Variants in SERPINI1 observed in about 807,000 individuals in gnomAD.
The protein encoded by SERPINI1 is serpin family I member 1.
In SERPINI1, 19 loss-of-function variants were observed where a neutral mutation model predicts 41.1. That is an observed-to-expected ratio of 0.46 (90% CI 0.32 to 0.68). The LOEUF (loss-of-function observed/expected upper bound fraction) is 0.68, where lower values mean the gene tolerates loss of function less well. Among genes scored for constraint, SERPINI1 ranks in the 30% least tolerant of loss-of-function variants. The pLI is 0.03. For missense variants in SERPINI1, 460 were observed against 479.2 expected, an observed-to-expected ratio of 0.96 and a Z score of 0.37; for synonymous variants, 138 against 156.6, an observed-to-expected ratio of 0.88 and a Z score of 0.89.
intron 1 of SERPINI1, among the ~76,000 whole-genome samples, chr3:167,741,754 C>T (rs1013183057): frequency 6.6e-6 from 1 of 152,166 alleles, no homozygotes; most frequent in Non-Finnish European, 1.5e-5. Context: ...GAAACCTGTA[C>T]CTAGTCTCCT....
chr3:167,772,708 T>C (rs1162337474), intron 1 of SERPINI1, among the ~76,000 whole-genome samples: 3 of 151,248 alleles, frequency 2.0e-5, no homozygotes, highest in African/African-American at 7.3e-5. Flanking sequence ...GTCATTAAAA[T>C]ATTCTCTGAA....
chr3:167,818,247 C>T (rs1042031124), intron 6 of SERPINI1, among the ~76,000 whole-genome samples: 1 of 151,776 alleles, frequency 6.6e-6, no homozygotes, highest in South Asian at 2.1e-4. Context: ...ACCCTGGTCT[C>T]GAACTCCTGA....
At chr3:167,749,783 C>A (rs1231102323) in intron 1 of SERPINI1, among the ~76,000 whole-genome samples, 1 of 152,144 alleles carries the variant, frequency 6.6e-6, no homozygotes, top group Non-Finnish European at 1.5e-5. Flanking sequence ...CTATTGAATG[C>A]TGTTTATATG....
chr3:167,764,460 A>G (rs562403165), intron 1 of SERPINI1, among the ~76,000 whole-genome samples: 3 of 152,230 alleles, frequency 2.0e-5, no homozygotes, highest in East Asian at 1.9e-4. Flanking sequence ...CTCATGACAC[A>G]TGTTCACTAT....
chr3:167,802,646 T>A, intron 5 of SERPINI1, among the ~76,000 whole-genome samples: 2 of 145,590 alleles, frequency 1.4e-5, no homozygotes, highest in African/African-American at 2.5e-5. Context: ...GGAGAGGATG[T>A]GGAGAAATAG....
chr3:167,799,089 A>G (rs1352647520), intron 5 of SERPINI1, among the ~76,000 whole-genome samples: 1 of 152,124 alleles, frequency 6.6e-6, no homozygotes, highest in Non-Finnish European at 1.5e-5. Flanking sequence ...CATGTGCAGA[A>G]CATGCAGGTT....
intron 1 of SERPINI1, among the ~76,000 whole-genome samples, chr3:167,764,400 AG>A (rs1726491183): frequency 2.7e-5 from 4 of 150,732 alleles, no homozygotes. Context: ...GGCAGCAGGC[AG>A]AGAGAGAGAG....
At chr3:167,737,837 G>A (rs1274721425) in intron 1 of SERPINI1, among the ~76,000 whole-genome samples, 1 of 152,004 alleles carries the variant, frequency 6.6e-6, no homozygotes, top group Non-Finnish European at 1.5e-5. Flanking sequence ...ACACGGTAAA[G>A]GATAGAATCT....
At chr3:167,746,045 T>A (rs551672682) in intron 1 of SERPINI1, among the ~76,000 whole-genome samples, 1 of 152,240 alleles carries the variant, frequency 6.6e-6, no homozygotes, top group East Asian at 1.9e-4. Context: ...TTGCAGCAAT[T>A]GACAAGTTGA....
intron 1 of SERPINI1, among the ~76,000 whole-genome samples, chr3:167,788,756 C>A (rs377120085): frequency 6.6e-6 from 1 of 152,174 alleles, no homozygotes; most frequent in Non-Finnish European, 1.5e-5. Flanking sequence ...CTGTAAATAT[C>A]TTTTGGTTTT....
intron 5 of SERPINI1, among the ~76,000 whole-genome samples, chr3:167,804,807 C>A (rs1291726656): frequency 6.6e-6 from 1 of 152,136 alleles, no homozygotes; most frequent in East Asian, 1.9e-4. Flanking sequence ...CATGCCACTG[C>A]ACTCTAGCCT....
At chr3:167,783,628 T>G (rs895693639) in intron 1 of SERPINI1, among the ~76,000 whole-genome samples, 3 of 151,902 alleles carry the variant, frequency 2.0e-5, no homozygotes, top group Non-Finnish European at 4.4e-5. Flanking sequence ...TATCAACACT[T>G]AAAATGTAGA....
chr3:167,737,268 TAG>T (rs776471228), intron 1 of SERPINI1, among the ~76,000 whole-genome samples: 4 of 152,094 alleles, frequency 2.6e-5, no homozygotes, highest in Non-Finnish European at 4.4e-5. Flanking sequence ...TAGAAATATA[TAG>T]ACAGATAGAT....
Position 167,795,223 on chromosome 3 carries a change from A to G in SERPINI1, c.881+399A>G, listed in dbSNP as rs140188104. Among the ~76,000 whole-genome samples the G allele has an allele frequency of 6.4e-3, 972 of 152,262 alleles. 17 individuals carry two copies. The highest frequency in any genetic ancestry group is 0.023 in the African/African-American group (947 of 41,550). On this transcript the variant is annotated intron_variant, in intron 5 of 8. Coordinates refer to ENST00000446050, the MANE Select transcript of SERPINI1 (RefSeq NM_001122752.2). ...AACACTTAAGATTGATTATGACTGGAGAGGAAACAATCTCTGACATTGCTA... is the reference window on the plus strand; with the variant it reads ...AACACTTAAGATTGATTATGACTGGGGAGGAAACAATCTCTGACATTGCTA...
chr3:167,790,809 T>C (rs1041607960), intron 3 of SERPINI1, among the ~76,000 whole-genome samples: 4 of 152,216 alleles, frequency 2.6e-5, no homozygotes, highest in Admixed American at 1.3e-4. Flanking sequence ...TCTTTTGGCA[T>C]ATATAGAATT....
At chr3:167,781,865 A>G (rs1360772992) in intron 1 of SERPINI1, among the ~76,000 whole-genome samples, 3 of 151,962 alleles carry the variant, frequency 2.0e-5, no homozygotes, top group African/African-American at 4.8e-5. Context: ...TATAATGCGG[A>G]CTTTCAGTTT....
intron 1 of SERPINI1, among the ~76,000 whole-genome samples, chr3:167,742,282 A>C (rs1212459098): frequency 6.6e-6 from 1 of 152,236 alleles, no homozygotes; most frequent in Non-Finnish European, 1.5e-5. Context: ...ACAATTTAAA[A>C]AATAATTGTA....
At chr3:167,740,151 G>C (rs1248546984) in intron 1 of SERPINI1, among the ~76,000 whole-genome samples, 3 of 151,386 alleles carry the variant, frequency 2.0e-5, no homozygotes, top group Non-Finnish European at 4.4e-5. Context: ...TCACACCGCA[G>C]ACTCCCCAGT....
chr3:167,744,846 A>G (rs1725814611), intron 1 of SERPINI1, among the ~76,000 whole-genome samples: 1 of 115,296 alleles, frequency 8.7e-6, no homozygotes, highest in Admixed American at 9.4e-5. Context: ...ATTATATATA[A>G]CTATAGTTAT....
Sources: allele counts gnomAD v4.1 joint callset (sites outside exome capture counted in the v4.1 genomes callset), GRCh38; gene constraint gnomAD v4.1.1; transcripts MANE v1.5; gene names NCBI Gene and HGNC (gene_info 2026-07-23, HGNC 2026-07-21).